Variants in TEX9 observed in about 807,000 individuals in gnomAD.
TEX9 encodes testis-expressed protein 9.
A neutral mutation model predicts 59.6 loss-of-function variants in TEX9; 74 were observed. That is an observed-to-expected ratio of 1.24 (90% CI 1.03 to 1.51). The LOEUF (loss-of-function observed/expected upper bound fraction) is 1.51, where lower values mean the gene tolerates loss of function less well. Ranked by LOEUF, TEX9 falls within the 40% of genes most tolerant of loss-of-function variation. The pLI is 0.00. For missense variants in TEX9, 522 were observed against 447.8 expected, an observed-to-expected ratio of 1.17 and a Z score of -1.49; for synonymous variants, 186 against 152.2, an observed-to-expected ratio of 1.22 and a Z score of -1.64.
upstream of TEX9, among the ~76,000 whole-genome samples, chr15:56,364,449 A>C (rs1596118392): frequency 6.8e-6 from 1 of 147,986 alleles, no homozygotes. Context: ...CTCTGTGCCC[A>C]GCCTCTTTTT....
intron 1 of TEX9, among the ~76,000 whole-genome samples, chr15:56,312,610 A>G (rs1377072644): frequency 6.8e-6 from 1 of 147,232 alleles, no homozygotes; most frequent in Non-Finnish European, 1.5e-5. Flanking sequence ...TTGGCTTAGG[A>G]TTGACTTGGT....
At chr15:56,336,583 G>C (rs1488353761) in intron 1 of TEX9, among the ~76,000 whole-genome samples, 1 of 152,102 alleles carries the variant, frequency 6.6e-6, no homozygotes, top group Non-Finnish European at 1.5e-5. Flanking sequence ...CCCAGTGTAT[G>C]GTACTTTGTT....
chr15:56,361,235 T>C (rs1419644275), upstream of TEX9, among the ~76,000 whole-genome samples: 2 of 152,196 alleles, frequency 1.3e-5, no homozygotes, highest in South Asian at 2.1e-4. Flanking sequence ...CTAATGTTTA[T>C]TGTTACTTTT....
intron 1 of TEX9, among the ~76,000 whole-genome samples, chr15:56,249,742 CAAAAA>C (rs11440856): frequency 2.3e-3 from 59 of 25,462 alleles, no homozygotes; most frequent in East Asian, 7.2e-3. Context: ...GGATCTGTCT[CAAAAA>C]AAAAAAAAAA....
chr15:56,315,590 C>T (rs1447301768), intron 1 of TEX9, among the ~76,000 whole-genome samples: 1 of 149,548 alleles, frequency 6.7e-6, no homozygotes, highest in Non-Finnish European at 1.5e-5. Context: ...AACATTTTTT[C>T]CTTCATTTCA....
intron 1 of TEX9, among the ~76,000 whole-genome samples, chr15:56,333,305 A>C (rs1361153524): frequency 6.6e-6 from 1 of 152,186 alleles, no homozygotes; most frequent in Non-Finnish European, 1.5e-5. Context: ...CACATCAAAA[A>C]GATCATTCAT....
chr15:56,420,202 T>A (rs2049909129), intron 10 of TEX9, among the ~76,000 whole-genome samples: 1 of 151,830 alleles, frequency 6.6e-6, no homozygotes, highest in Non-Finnish European at 1.5e-5. Flanking sequence ...AATTCTGGTT[T>A]TATTGATTTT....
intron 1 of TEX9, among the ~76,000 whole-genome samples, chr15:56,307,374 G>A (rs1452443804): frequency 1.3e-5 from 2 of 152,094 alleles, no homozygotes; most frequent in East Asian, 3.9e-4. Context: ...CACCAATCTG[G>A]ACAGCTGTTT....
Position 56,427,756 on chromosome 15 carries a change from A to T in TEX9, c.1098+17A>T. The stretch of plus-strand genomic sequence containing the variant: ...AGGCAAAAGGTGAGTCTATCATTAA[A>T]GTTAAATCATCATATTATTTGTAAC... On this transcript the variant is annotated intron_variant, in intron 11 of 12. Coordinates refer to ENST00000352903, the Ensembl canonical transcript of TEX9. 1 of 1,429,888 alleles carries T rather than the reference A, an allele frequency of 7.0e-7. No individual in the cohort carries two copies. The highest frequency in any genetic ancestry group is 1.6e-5 in the South Asian group (1 of 64,268). 88.6% of individuals were successfully genotyped at this position (1,429,888 alleles called of 1,614,324 possible).
At chr15:56,373,579 A>G in intron 3 of TEX9, 75 bp downstream of exon 3, 1 of 1,277,774 alleles carries the variant, frequency 7.8e-7, no homozygotes, top group Non-Finnish European at 1.0e-6. Context: ...TATATGACAT[A>G]TATACAAAAC....
intron 7 of TEX9, among the ~76,000 whole-genome samples, chr15:56,392,705 T>C (rs1403292036): frequency 6.6e-6 from 1 of 152,174 alleles, no homozygotes. Flanking sequence ...TATTTACTGA[T>C]CTAATCAAGC....
chr15:56,422,089 TAAA>T (rs2050004071), intron 10 of TEX9, among the ~76,000 whole-genome samples: 1 of 111,600 alleles, frequency 9.0e-6, no homozygotes, highest in Non-Finnish European at 1.7e-5. Flanking sequence ...ACCAACAGTG[TAAA>T]AGTGTTGTGG....
chr15:56,245,541 T>C (rs994200415), intron 1 of TEX9, among the ~76,000 whole-genome samples: 3 of 152,182 alleles, frequency 2.0e-5, no homozygotes, highest in Non-Finnish European at 2.9e-5. Flanking sequence ...AAAGACAGTA[T>C]TTTTGTGGAC....
At chr15:56,394,558 G>A (rs1235025396) in intron 8 of TEX9, 103 bp from the exon 9 acceptor site, 10 of 865,084 alleles carry the variant, frequency 1.2e-5, no homozygotes, top group African/African-American at 1.7e-5. Flanking sequence ...TTCATGAAAC[G>A]TGTATAAATA....
intron 9 of TEX9, among the ~76,000 whole-genome samples, chr15:56,400,136 G>A (rs141952794): frequency 5.3e-5 from 8 of 152,240 alleles, no homozygotes; most frequent in Middle Eastern, 3.4e-3. Flanking sequence ...GAGAATGACC[G>A]ACGAGTTGAC....
At chr15:56,321,922 G>C (rs1440043647) in intron 1 of TEX9, among the ~76,000 whole-genome samples, 1 of 151,976 alleles carries the variant, frequency 6.6e-6, no homozygotes, top group African/African-American at 2.4e-5. Context: ...AGGAGTGGGT[G>C]GGGGAAGGGG....
chr15:56,401,285 A>C (rs566303675), intron 9 of TEX9, among the ~76,000 whole-genome samples: 1 of 140,114 alleles, frequency 7.1e-6, no homozygotes, highest in African/African-American at 2.6e-5. Flanking sequence ...GGATGGAGGA[A>C]GACCTACCAA....
intron 1 of TEX9, among the ~76,000 whole-genome samples, chr15:56,347,258 G>A (rs896519425): frequency 1.4e-4 from 22 of 152,018 alleles, no homozygotes; most frequent in African/African-American, 5.3e-4. Context: ...AAATCCAGGG[G>A]AACTAAAACA....
At chr15:56,388,618 A>T in intron 5 of TEX9, 98 bp downstream of exon 5, 1 of 981,522 alleles carries the variant, frequency 1.0e-6, no homozygotes, top group East Asian at 2.4e-5. Flanking sequence ...GGTATGACTC[A>T]ACAGAAATAG....
Sources: allele counts gnomAD v4.1 joint callset (sites outside exome capture counted in the v4.1 genomes callset), GRCh38; gene constraint gnomAD v4.1.1; transcripts MANE v1.5; gene names NCBI Gene and HGNC (gene_info 2026-07-23, HGNC 2026-07-21).